GRM1: variants seen among roughly 807,000 people sequenced by gnomAD.
GRM1 encodes the protein metabotropic glutamate receptor 1.
GRM1 carries 33 observed loss-of-function variants against 90.9 expected under a neutral mutation model. The ratio of observed to expected loss-of-function variants is 0.36; its 90% CI spans 0.28 to 0.49. The LOEUF (loss-of-function observed/expected upper bound fraction) is 0.49, where lower values mean the gene tolerates loss of function less well. GRM1 is among the 20% of genes least tolerant of loss of function. GRM1 has a pLI of 0.99. For synonymous variants in GRM1, 700 were observed against 613.2 expected (o/e 1.14, Z -2.09); for missense variants, 1,190 against 1,534.3 (o/e 0.78, Z 3.75).
chr6:146,174,558 G>A (rs1562509422), intron 2 of GRM1, among the ~76,000 whole-genome samples: 1 of 152,118 alleles, frequency 6.6e-6, no homozygotes, highest in Non-Finnish European at 1.5e-5. Context: ...TTATATCTAT[G>A]TACTGAGTTT....
At chr6:146,199,455 C>A (rs750516903) in intron 2 of GRM1, among the ~76,000 whole-genome samples, 3 of 152,186 alleles carry the variant, frequency 2.0e-5, no homozygotes, top group Admixed American at 6.5e-5. Context: ...TAAATTATTA[C>A]CCTCTCAATT....
intron 7 of GRM1, among the ~76,000 whole-genome samples, chr6:146,429,106 A>G (rs905546220): frequency 2.0e-5 from 3 of 152,182 alleles, no homozygotes; most frequent in Admixed American, 6.5e-5. Flanking sequence ...GAAGAACTGC[A>G]TACTTAGACT....
chr6:146,316,271 C>A (rs1054145979), intron 3 of GRM1, among the ~76,000 whole-genome samples: 2 of 152,212 alleles, frequency 1.3e-5, no homozygotes, highest in Admixed American at 1.3e-4. Context: ...TCTTCCTCAA[C>A]CACACCTCTC....
intron 7 of GRM1, among the ~76,000 whole-genome samples, chr6:146,411,952 G>C (rs1461764421): frequency 6.6e-6 from 1 of 152,180 alleles, no homozygotes; most frequent in East Asian, 1.9e-4. Flanking sequence ...ACAGATCTCT[G>C]TAAGGTGGAG....
intron 1 of GRM1, among the ~76,000 whole-genome samples, chr6:146,073,792 T>C (rs1486527256): frequency 6.6e-6 from 1 of 152,114 alleles, no homozygotes; most frequent in Non-Finnish European, 1.5e-5. Context: ...CAAAACCTTG[T>C]GTATCTGTAT....
intron 2 of GRM1, among the ~76,000 whole-genome samples, chr6:146,290,466 T>C (rs1028677169): frequency 3.3e-5 from 5 of 152,170 alleles, no homozygotes; most frequent in Non-Finnish European, 5.9e-5. Flanking sequence ...GTTGCAAACA[T>C]GTGCTACCAT....
chr6:146,217,218 A>G (rs1779903533), intron 2 of GRM1, among the ~76,000 whole-genome samples: 7 of 152,216 alleles, frequency 4.6e-5, no homozygotes, highest in Admixed American at 2.0e-4. Context: ...TTTCTCATCC[A>G]TTATGACACA....
intron 2 of GRM1, among the ~76,000 whole-genome samples, chr6:146,196,463 A>ATT (rs772811053): frequency 0.13 from 10,874 of 85,848 alleles, 668 homozygotes; most frequent in Non-Finnish European, 0.16. Context: ...AATTTTTTGT[A>ATT]TTTTTTTTTT....
intron 2 of GRM1, among the ~76,000 whole-genome samples, chr6:146,271,213 C>A (rs900000617): frequency 2.0e-5 from 3 of 151,904 alleles, no homozygotes; most frequent in Non-Finnish European, 4.4e-5. Flanking sequence ...ACTATGTTGG[C>A]CAGGATGGTC....
chr6:146,179,731 A>G (rs537144409), intron 2 of GRM1, among the ~76,000 whole-genome samples: 2 of 152,052 alleles, frequency 1.3e-5, no homozygotes, highest in Non-Finnish European at 2.9e-5. Flanking sequence ...TAGCCAGGAT[A>G]GTCTCGATCT....
intron 2 of GRM1, among the ~76,000 whole-genome samples, chr6:146,291,909 A>T (rs1185807616): frequency 2.0e-5 from 3 of 152,058 alleles, no homozygotes; most frequent in African/African-American, 7.2e-5. Flanking sequence ...TTAATACTTC[A>T]AAACTTACTA....
intron 2 of GRM1, among the ~76,000 whole-genome samples, chr6:146,214,922 C>T (rs1779817113): frequency 6.6e-6 from 1 of 152,116 alleles, no homozygotes; most frequent in Admixed American, 6.5e-5. Flanking sequence ...ACTAGATGGG[C>T]TTTAACGTAG....
intron 2 of GRM1, among the ~76,000 whole-genome samples, chr6:146,301,168 A>G (rs138839896): frequency 6.6e-6 from 1 of 152,246 alleles, no homozygotes; most frequent in East Asian, 1.9e-4. Flanking sequence ...TCCTACTTGA[A>G]TGTTTTCCTT....
At chr6:146,205,981 A>T (rs991998523) in intron 2 of GRM1, among the ~76,000 whole-genome samples, 4 of 152,140 alleles carry the variant, frequency 2.6e-5, no homozygotes, top group Non-Finnish European at 5.9e-5. Flanking sequence ...CTTGATCTCT[A>T]TAGGTTCTGG....
intron 2 of GRM1, among the ~76,000 whole-genome samples, chr6:146,262,376 G>A (rs935831433): frequency 2.0e-5 from 3 of 151,896 alleles, no homozygotes; most frequent in Non-Finnish European, 4.4e-5. Context: ...TATACCAAAA[G>A]TATCTTAAGT....
intron 3 of GRM1, among the ~76,000 whole-genome samples, chr6:146,343,331 G>T (rs1466404398): frequency 6.6e-6 from 1 of 152,240 alleles, no homozygotes; most frequent in East Asian, 1.9e-4. Context: ...TTAAAAAAAT[G>T]CTATGCTCTT....
At chr6:146,092,606 T>C (rs1438774501) in intron 1 of GRM1, among the ~76,000 whole-genome samples, 2 of 152,166 alleles carry the variant, frequency 1.3e-5, no homozygotes, top group African/African-American at 4.8e-5. Context: ...CAATGTGTGC[T>C]TGGATCAAGG....
chr6:146,328,096 G>T (rs902171058), intron 3 of GRM1, among the ~76,000 whole-genome samples: 12 of 152,146 alleles, frequency 7.9e-5, no homozygotes, highest in Non-Finnish European at 1.3e-4. Context: ...AGCCACATCT[G>T]TCTATAGTGC....
chr6:146,285,568 A>T (rs143652466), intron 2 of GRM1, among the ~76,000 whole-genome samples: 1 of 152,168 alleles, frequency 6.6e-6, no homozygotes, highest in African/African-American at 2.4e-5. Flanking sequence ...CATTAGATTC[A>T]TATTGTGCTC....
Sources: allele counts gnomAD v4.1 joint callset (sites outside exome capture counted in the v4.1 genomes callset), GRCh38; gene constraint gnomAD v4.1.1; transcripts MANE v1.5; gene names NCBI Gene and HGNC (gene_info 2026-07-23, HGNC 2026-07-21).